Variants in GPR179 observed in about 807,000 individuals in gnomAD.
The protein encoded by GPR179 is probable G protein-coupled receptor 179.
Under a neutral mutation model 70.8 loss-of-function variants are expected in GPR179, and 52 were observed. That is an observed-to-expected ratio of 0.73 (90% confidence interval 0.59 to 0.93). GPR179 has a LOEUF of 0.93. Among genes scored for constraint, GPR179 ranks in the 40% least tolerant of loss-of-function variants. GPR179 has a pLI of 0.00. For synonymous variants in GPR179, 1,123 were observed against 1,169.0 expected (o/e 0.96, Z 0.80); for missense variants, 2,734 against 2,966.8 (o/e 0.92, Z 1.82).
At position 38,334,128 on chromosome 17, in the gene GPR179, A is replaced by T. The variant is rs2037383142; in HGVS notation, c.1785-90T>A. The T allele has an allele frequency of 1.1e-6, 1 of 903,662 alleles. No individual in the cohort carries two copies. The highest frequency in any genetic ancestry group is 1.8e-6 in the Non-Finnish European group (1 of 540,800). 56.0% of individuals were successfully genotyped at this position (903,662 alleles called of 1,614,324 possible). A position where few individuals can be genotyped will look rare whatever the true frequency, so the allele number is the denominator to read the frequency against. Reference sequence around the variant, plus strand: ...TCACTGGCGTTTCACCTCAGCCCCAACCCTGATACGCTTAGGACGAGGGGG... The same window carrying T: ...TCACTGGCGTTTCACCTCAGCCCCATCCCTGATACGCTTAGGACGAGGGGG... On this transcript the variant is annotated intron_variant, in intron 8 of 10. Transcript: ENST00000616987. This position sits in a 1 kb window ranked among gnomAD's most constrained non-coding sequence, Gnocchi z 4.7.
chr17:38,327,794 G>A lies in GPR179; in HGVS notation c.5775C>T (p.Phe1925=), dbSNP rs1055854816. The change falls in exon 11 of 11, where the codon TTC becomes TTT. Residue 1925 remains phenylalanine (F), a synonymous_variant. Transcript: ENST00000616987. ...DLRQDPKTGS[F]PEHITQEKAP... ...CTTTTTCTTGGGTTATGTGTTCTGG[G>A]AAGGAACCTGTCTTTGGGTCTTGTC... 1.2e-6 allele frequency: 2 copies of A among 1,614,090 alleles called. No individual in the cohort carries two copies. Among genetic ancestry groups the A allele is most frequent in the African/African-American group, 1.3e-5 (1 of 75,006 alleles).
chr17:38,330,559 G>T lies in GPR179; in HGVS notation c.3010C>A (p.Gln1004Lys). The change falls in exon 11 of 11, where the codon CAA (glutamine) becomes AAA (lysine). Residue 1004 changes from glutamine (Q) to lysine (K), a missense_variant. Transcript: ENST00000616987. ...PWENAELPAK[Q>K]ENVPQEGPSG... ...GGGCCTTCCTGGGGCACATTTTCTT[G>T]CTTGGCTGGCAGTTCTGCGTTCTCC... 6.4e-7 allele frequency: 1 copy of T among 1,572,234 alleles called. No homozygotes were observed. The highest frequency in any genetic ancestry group is 8.6e-7 in the Non-Finnish European group (1 of 1,161,766).
Position 38,334,989 on chromosome 17 carries a change from A to G in GPR179, c.1645+44T>C, listed in dbSNP as rs2037390559. ...AACAAGAGGAACCCTGGAGGCACAG[A>G]GGCAGGGACCAGCGTAAGGCTGGGC... is the stretch of plus-strand genomic sequence containing the variant. On this transcript the variant is annotated intron_variant, in intron 7 of 10. Coordinates refer to ENST00000616987, the MANE Select transcript of GPR179 (RefSeq NM_001004334.4). The surrounding 1 kb of genome is among the most constrained non-coding windows in gnomAD (Gnocchi z 4.7). 1 of 1,584,780 alleles carries G rather than the reference A, an allele frequency of 6.3e-7. No individual in the cohort carries two copies. Among genetic ancestry groups the G allele is most frequent in the East Asian group, 2.2e-5 (1 of 44,560 alleles).
intron 2 of GPR179, 141 bp downstream of exon 2, chr17:38,339,276 C>T: frequency 1.7e-6 from 1 of 596,200 alleles, no homozygotes. Flanking sequence ...CTCACCTCTG[C>T]CAATCACTAG....
Position 38,329,544 on chromosome 17 carries a change from C to G in GPR179, c.4025G>C (p.Arg1342Thr), listed in dbSNP as rs775762944. The G allele has an allele frequency of 8.7e-6, 14 of 1,613,996 alleles. No homozygotes were observed. ...SPGSAPQDPG[R>T]IRDKSEAGDS... ...CCCCGCCTCAGATTTGTCTCTGATT[C>G]TGCCAGGGTCCTGAGGAGCTGACCC... is the stretch of plus-strand genomic sequence containing the variant. Residue 1342 changes from arginine to threonine, a missense_variant, in exon 11 of 11, where the codon AGA (arginine) becomes ACA (threonine). Physicochemically the swap from Arg to Thr is moderately conservative, Grantham distance 71 (BLOSUM62 -1). Transcript: ENST00000616987.
Position 38,343,317 on chromosome 17 carries a change from C to T in GPR179, c.473G>A (p.Ser158Asn), listed in dbSNP as rs774450118. ...LLTFNPPPGA[S>N]HLQLALQATR... ...GGCCTGCAGGGCCAGCTGTAGGTGG[C>T]TGGCCCCTGGTGGAGGGTTAAAGGT... The change falls in exon 1 of 11, where the codon AGC (serine) becomes AAC (asparagine). Residue 158 changes from serine to asparagine, a missense_variant. By Grantham distance (46) the Ser-to-Asn change is conservative (BLOSUM62 1). Coordinates refer to ENST00000616987, the MANE Select transcript of GPR179 (RefSeq NM_001004334.4). This position sits in a 1 kb window ranked among gnomAD's most constrained non-coding sequence, Gnocchi z 4.2. 5 of 1,614,148 alleles carry T rather than the reference C, an allele frequency of 3.1e-6. No homozygotes were observed. The Admixed American group carries it at 6.7e-5, about 22-fold the overall frequency.
Position 38,333,941 on chromosome 17 carries a change from T to G in GPR179, c.1882A>C (p.Ile628Leu). The part of the protein sequence containing the change: ...TVTTTLALIF[I>L]PKFWKLGAPP... Reference sequence around the variant, plus strand: ...GGAGGGGAGGGCCTCACCTTAGGGATGAAGATCAGAGCCAGCGTGGTGGTG... The same window carrying G: ...GGAGGGGAGGGCCTCACCTTAGGGAGGAAGATCAGAGCCAGCGTGGTGGTG... Residue 628 changes from isoleucine to leucine, a missense_variant, in exon 9 of 11, where the codon ATC becomes CTC. Ile to Leu is a conservative substitution (Grantham distance 5, BLOSUM62 2). Coordinates refer to ENST00000616987, the MANE Select transcript of GPR179 (RefSeq NM_001004334.4). 2 of 1,612,196 alleles carry G rather than the reference T, an allele frequency of 1.2e-6. No individual in the cohort carries two copies. The highest frequency in any genetic ancestry group is 1.1e-5 in the South Asian group (1 of 90,934).
chr17:38,329,133 C>G lies in GPR179; in HGVS notation c.4436G>C (p.Cys1479Ser). 1 of 1,614,108 alleles carries G rather than the reference C, an allele frequency of 6.2e-7. No homozygotes were observed. Among genetic ancestry groups the G allele is most frequent in the Non-Finnish European group, 8.5e-7 (1 of 1,180,044 alleles). ...DAPAIQKAEI[C>S]PWELDDNVMG... The stretch of plus-strand genomic sequence containing the variant: ...CACGTTATCATCCAGCTCCCAGGGA[C>G]AGATCTCTGCTTTCTGGATAGCAGG... The change falls in exon 11 of 11, where the codon TGT (cysteine) becomes TCT (serine). Residue 1479 changes from cysteine to serine, a missense_variant. Physicochemically the swap from Cys to Ser is moderately radical, Grantham distance 112. Coordinates refer to ENST00000616987, the MANE Select transcript of GPR179 (RefSeq NM_001004334.4).
In GPR179 at chr17:38,333,207, C is replaced by G. The variant is rs73985903; in HGVS notation, c.2037+44G>C. The G allele has an allele frequency of 4.7e-3, 7,455 of 1,593,934 alleles. 294 individuals are homozygous for G. In the African/African-American group the frequency reaches 0.087, roughly 19 times the overall value. Reference sequence around the variant, plus strand: ...GGCCCAGTCCTCCCTCTGCCCAGTTCCTAAAAGCTAGCATTGAAAGGAGGC... The same window carrying G: ...GGCCCAGTCCTCCCTCTGCCCAGTTGCTAAAAGCTAGCATTGAAAGGAGGC... On this transcript the variant is annotated intron_variant, in intron 10 of 10. Coordinates refer to ENST00000616987, the MANE Select transcript of GPR179 (RefSeq NM_001004334.4).
chr17:38,330,667 G>C lies in GPR179; in HGVS notation c.2902C>G (p.Leu968Val). The change falls in exon 11 of 11, where the codon CTA (leucine) becomes GTA (valine). Residue 968 changes from leucine (L) to valine (V), a missense_variant. By Grantham distance (32) the Leu-to-Val change is conservative. Transcript: ENST00000616987. The stretch of plus-strand genomic sequence containing the variant: ...AGGGCAGGGGCTGGGGTTGGAGCTA[G>C]AGCTGGCAGCAGAGCTGGAGCCAAG... ...STLAPALLPA[L>V]APTPAPALAP... is the part of the protein sequence containing the mutation. The C allele has an allele frequency of 6.2e-7, 1 of 1,600,482 alleles. No individual in the cohort carries two copies. The highest frequency in any genetic ancestry group is 8.5e-7 in the Non-Finnish European group (1 of 1,172,200).
chr17:38,335,150 C>G lies in GPR179; in HGVS notation c.1528G>C (p.Val510Leu). ...PVLGFLAVWT[V>L]GALERGIQHA... ...TGGATGCCTCGCTCCAGGGCGCCCA[C>G]GGTCCACACAGCCAGGAAGCCCAGC... Residue 510 changes from valine to leucine, a missense_variant, in exon 7 of 11, where the codon GTG (valine) becomes CTG (leucine). Physicochemically the swap from Val to Leu is conservative, Grantham distance 32. Coordinates refer to ENST00000616987, the MANE Select transcript of GPR179 (RefSeq NM_001004334.4). 6.3e-7 allele frequency: 1 copy of G among 1,589,908 alleles called. No homozygotes were observed. Among genetic ancestry groups the G allele is most frequent in the South Asian group, 1.1e-5 (1 of 88,196 alleles).
rs575264850 is a variant in GPR179 at position 38,342,588 on chromosome 17, C to T, written c.794+408G>A. Among the ~76,000 whole-genome samples the T allele has an allele frequency of 3.0e-4, 46 of 152,330 alleles. 1 individual carries two copies. Among genetic ancestry groups the T allele is most frequent in the Middle Eastern group, 6.8e-3 (2 of 294 alleles). ...TCCTGACCTCAGGTGATCCACCCGCCTCAGCCTCCCAAAGTGTTGGGATTA... is the reference window on the plus strand; with the variant it reads ...TCCTGACCTCAGGTGATCCACCCGCTTCAGCCTCCCAAAGTGTTGGGATTA... On this transcript the variant is annotated intron_variant, in intron 1 of 10. Coordinates refer to ENST00000616987, the MANE Select transcript of GPR179 (RefSeq NM_001004334.4).
Position 38,328,524 on chromosome 17 carries a change from C to A in GPR179, c.5045G>T (p.Gly1682Val). The A allele has an allele frequency of 6.2e-7, 1 of 1,613,624 alleles. No individual in the cohort carries two copies. Among genetic ancestry groups the A allele is most frequent in the Non-Finnish European group, 8.5e-7 (1 of 1,179,884 alleles). Residue 1682 changes from glycine to valine, a missense_variant, in exon 11 of 11, where the codon GGA (glycine) becomes GTA (valine). Gly to Val is a moderately radical substitution (Grantham distance 109, BLOSUM62 -3). Transcript: ENST00000616987. ...AGGGCAAATGTCGGCAGCTTTGCTT[C>A]CCACACTGCCTGACATCTGGAGAAG... ...QTLLQMSGSV[G>V]SKAADICPLD...
At position 38,335,244 on chromosome 17, in the gene GPR179, C is replaced by T. The variant is rs199734840; in HGVS notation, c.1434G>A (p.Thr478=). ...YRVLQLFLSR[T]AQRSALLSSG... is the part of the protein sequence containing the mutation. ...TGCTCAGAAGGGCACTCCGCTGGGC[C>T]GTTCGAGACAGAAACAGCTGCAGCA... Residue 478 remains threonine, a synonymous_variant, in exon 7 of 11, where the codon ACG becomes ACA. Coordinates refer to ENST00000616987, the MANE Select transcript of GPR179 (RefSeq NM_001004334.4). The T allele has an allele frequency of 2.6e-6, 4 of 1,551,416 alleles. No individual in the cohort carries two copies. Among genetic ancestry groups the T allele is most frequent in the East Asian group, 2.4e-5 (1 of 41,072 alleles).
In GPR179 at chr17:38,334,032, C is replaced by T; in HGVS notation, c.1791G>A (p.Val597=). The change falls in exon 9 of 11, where the codon GTG becomes GTA. Residue 597 remains valine (V), a synonymous_variant. Coordinates refer to ENST00000616987, the MANE Select transcript of GPR179 (RefSeq NM_001004334.4). This position sits in a 1 kb window ranked among gnomAD's most constrained non-coding sequence, Gnocchi z 4.7. ...AGTCCGGGTGCAGAGAGGGAACCAG[C>T]ACAAACCTGGGGCGGGATAGGGGCG... The part of the protein sequence containing the change: ...LSAAFHTARF[V]LVPSLHPDWT... 1.2e-6 allele frequency: 2 copies of T among 1,613,060 alleles called. No individual in the cohort carries two copies. The highest frequency in any genetic ancestry group is 1.7e-6 in the Non-Finnish European group (2 of 1,179,204).
At position 38,343,126 on chromosome 17, in the gene GPR179, C is replaced by G. The variant is rs1411049367; in HGVS notation, c.664G>C (p.Gly222Arg). The change falls in exon 1 of 11, where the codon GGG becomes CGG. Residue 222 changes from glycine to arginine, a missense_variant. Coordinates refer to ENST00000616987, the MANE Select transcript of GPR179 (RefSeq NM_001004334.4). This position sits in a 1 kb window ranked among gnomAD's most constrained non-coding sequence, Gnocchi z 4.2. The part of the protein sequence containing the change: ...PKWPQADGYV[G>R]DTQQVRLSPP... ...GACAGCCTCACCTGCTGCGTGTCCC[C>G]CACATATCCATCTGCCTGCGGCCAC... 1 of 1,614,202 alleles carries G rather than the reference C, an allele frequency of 6.2e-7. No individual in the cohort carries two copies. The highest frequency in any genetic ancestry group is 8.5e-7 in the Non-Finnish European group (1 of 1,180,032).
rs780660635 is a variant in GPR179, at chr17:38,335,248, C to T, written c.1430G>A (p.Arg477Gln). The change falls in exon 7 of 11, where the codon CGA (arginine) becomes CAA (glutamine). Residue 477 changes from arginine to glutamine, a missense_variant. By Grantham distance (43) the Arg-to-Gln change is conservative (BLOSUM62 1). Transcript: ENST00000616987. ...CAGAAGGGCACTCCGCTGGGCCGTT[C>T]GAGACAGAAACAGCTGCAGCACTCT... ...LYRVLQLFLS[R>Q]TAQRSALLSS... The T allele has an allele frequency of 1.0e-4, 158 of 1,551,240 alleles. 1 individual carries two copies. The highest frequency in any genetic ancestry group is 3.4e-4 in the South Asian group (29 of 84,080).
intron 1 of GPR179, among the ~76,000 whole-genome samples, chr17:38,341,523 C>G (rs1292847669): frequency 6.6e-6 from 1 of 152,180 alleles, no homozygotes; most frequent in Non-Finnish European, 1.5e-5. Context: ...TGGCAAGGAG[C>G]CAGGCTGCCT....
Position 38,336,976 on chromosome 17 carries a change from G to C in GPR179, c.1227+2C>G, listed in dbSNP as rs1284159705. Reference sequence around the variant, plus strand: ...GTGTAGGAGGTGTGGGGCCTTCCTTGCCTTGTTCCGGCGGCAGCGGTAGGA... The same window carrying C: ...GTGTAGGAGGTGTGGGGCCTTCCTTCCCTTGTTCCGGCGGCAGCGGTAGGA... On this transcript the variant is annotated splice_donor_variant, in intron 4 of 10. Coordinates refer to ENST00000616987, the MANE Select transcript of GPR179 (RefSeq NM_001004334.4). LOFTEE classifies it high-confidence loss of function. 30 of 1,585,548 alleles carry C rather than the reference G, an allele frequency of 1.9e-5. 1 individual carries two copies. In the Admixed American group the frequency reaches 5.4e-4, roughly 29 times the overall value.
Sources: gnomAD v4.1 joint callset for allele counts (sites outside exome capture counted in the v4.1 genomes callset) on GRCh38, gnomAD v4.1.1 for gene constraint, Gnocchi (gnomAD v3.1) non-coding constraint, MANE v1.5 for transcripts, NCBI Gene and HGNC (gene_info 2026-07-23, HGNC 2026-07-21) for gene names.